Variants in ERBB4 observed in about 807,000 individuals in gnomAD.
ERBB4 encodes the protein erb-b2 receptor tyrosine kinase 4.
A neutral mutation model predicts 158.0 loss-of-function variants in ERBB4; 42 were observed. That is an observed-to-expected ratio of 0.27 (90% CI 0.21 to 0.34). The LOEUF (loss-of-function observed/expected upper bound fraction) is 0.34, where lower values mean the gene tolerates loss of function less well. Ranked by LOEUF, ERBB4 falls within the 10% of genes least tolerant of loss-of-function variation. The pLI, the probability that ERBB4 is intolerant of heterozygous loss-of-function variation, is 1.00. For missense variants in ERBB4, 1,333 were observed against 1,624.1 expected, an observed-to-expected ratio of 0.82 and a Z score of 3.08; for synonymous variants, 583 against 558.7, an observed-to-expected ratio of 1.04 and a Z score of -0.61.
intron 2 of ERBB4, among the ~76,000 whole-genome samples, chr2:211,969,102 C>T (rs897377811): frequency 3.9e-5 from 6 of 151,954 alleles, no homozygotes; most frequent in African/African-American, 1.4e-4. Context: ...AGCTTTATAT[C>T]TAAGTCATAC....
chr2:212,326,070 C>A (rs1325922142), intron 1 of ERBB4, among the ~76,000 whole-genome samples: 2 of 150,424 alleles, frequency 1.3e-5, no homozygotes, highest in Non-Finnish European at 3.0e-5. Context: ...ATTTTATCCA[C>A]CATAGTATAA....
chr2:211,859,892 C>T (rs1187148396), intron 3 of ERBB4, among the ~76,000 whole-genome samples: 1 of 152,136 alleles, frequency 6.6e-6, no homozygotes, highest in African/African-American at 2.4e-5. Flanking sequence ...TTTCCATTAA[C>T]TTCTTTTCCT....
At chr2:211,623,889 C>T in intron 18 of ERBB4, 33 bp downstream of exon 18, 1 of 1,611,688 alleles carries the variant, frequency 6.2e-7, no homozygotes, top group Non-Finnish European at 8.5e-7. Context: ...TAAAACAAAA[C>T]TTAACTAACG....
chr2:212,056,644 A>T (rs1434069346), intron 2 of ERBB4, among the ~76,000 whole-genome samples: 1 of 152,168 alleles, frequency 6.6e-6, no homozygotes, highest in Non-Finnish European at 1.5e-5. Context: ...AAAGAAAAGA[A>T]TTTTCAACCC....
intron 22 of ERBB4, among the ~76,000 whole-genome samples, chr2:211,427,655 T>C (rs2063658116): frequency 6.6e-6 from 1 of 152,176 alleles, no homozygotes; most frequent in Non-Finnish European, 1.5e-5. Flanking sequence ...TAATTTTTCT[T>C]TGTTATGACA....
chr2:211,689,289 C>T (rs1471334857), intron 12 of ERBB4, among the ~76,000 whole-genome samples: 3 of 152,004 alleles, frequency 2.0e-5, no homozygotes, highest in Non-Finnish European at 4.4e-5. Flanking sequence ...TGACCTCCTG[C>T]GCTCAAGTGA....
intron 2 of ERBB4, among the ~76,000 whole-genome samples, chr2:212,105,602 C>A (rs10192870): frequency 6.6e-6 from 1 of 151,950 alleles, no homozygotes; most frequent in African/African-American, 2.4e-5. Context: ...GCATTTGTGT[C>A]GAAAAATGTT....
At chr2:212,121,917 T>A (rs563094079) in intron 2 of ERBB4, among the ~76,000 whole-genome samples, 1 of 152,220 alleles carries the variant, frequency 6.6e-6, no homozygotes, top group South Asian at 2.1e-4. Context: ...AGCACTCCTT[T>A]GATGAAACTT....
At chr2:212,172,595 G>A (rs1575745036) in intron 1 of ERBB4, among the ~76,000 whole-genome samples, 2 of 152,068 alleles carry the variant, frequency 1.3e-5, no homozygotes, top group African/African-American at 4.8e-5. Flanking sequence ...GGAATACTAT[G>A]CAGCCATAAA....
At chr2:211,439,185 G>C (rs1210592039) in intron 20 of ERBB4, among the ~76,000 whole-genome samples, 2 of 152,094 alleles carry the variant, frequency 1.3e-5, no homozygotes, top group Non-Finnish European at 2.9e-5. Context: ...ATGCTGCAAA[G>C]AAAAATAGCT....
chr2:211,759,106 A>G (rs1349777283), intron 4 of ERBB4, among the ~76,000 whole-genome samples: 1 of 152,150 alleles, frequency 6.6e-6, no homozygotes, highest in Admixed American at 6.5e-5. Context: ...GCTTCTGCCA[A>G]AAACTTTGGA....
In ERBB4 at chr2:211,708,612, TTCTCTCTC is replaced by T. The variant is rs60948715; in HGVS notation, c.1125-3229_1125-3222del. Among the ~76,000 whole-genome samples the T allele has an allele frequency of 7.7e-3, 897 of 116,656 alleles. 11 individuals are homozygous for T. Among genetic ancestry groups the T allele is most frequent in the African/African-American group, 0.024 (864 of 35,756 alleles). 76.5% of individuals were successfully genotyped at this position (116,656 alleles called of 152,430 possible). On this transcript the variant is annotated intron_variant, in intron 9 of 27. Coordinates refer to ENST00000342788, the MANE Select transcript of ERBB4 (RefSeq NM_005235.3). ...TTTTCATTTCTCTCTGTTTCCATCC[TTCTCTCTC>T]TCTCTCTCTCTCTCTCTCTCTCTCA...
chr2:212,281,583 T>A (rs2085761214), intron 1 of ERBB4, among the ~76,000 whole-genome samples: 1 of 151,810 alleles, frequency 6.6e-6, no homozygotes, highest in Admixed American at 6.6e-5. Context: ...CACTCTGGTT[T>A]CTTTCAGTTC....
chr2:212,276,090 T>C (rs775354781), intron 1 of ERBB4, among the ~76,000 whole-genome samples: 16 of 151,788 alleles, frequency 1.1e-4, no homozygotes, highest in Admixed American at 2.0e-4. Context: ...CCAGGGTCCA[T>C]ATAGTTAATG....
At chr2:212,241,699 C>G (rs2084112625) in intron 1 of ERBB4, among the ~76,000 whole-genome samples, 1 of 152,092 alleles carries the variant, frequency 6.6e-6, no homozygotes, top group Non-Finnish European at 1.5e-5. Flanking sequence ...ATTTGACATA[C>G]TGTCTAAAAT....
intron 2 of ERBB4, among the ~76,000 whole-genome samples, chr2:212,007,578 A>C (rs1182453124): frequency 6.6e-6 from 1 of 151,904 alleles, no homozygotes; most frequent in Non-Finnish European, 1.5e-5. Flanking sequence ...AATCCTTTGC[A>C]TTTAAAAACA....
At chr2:212,530,867 G>C (rs1183552335) in intron 1 of ERBB4, among the ~76,000 whole-genome samples, 1 of 152,150 alleles carries the variant, frequency 6.6e-6, no homozygotes, top group Non-Finnish European at 1.5e-5. Flanking sequence ...AAATAAAAGA[G>C]TGTTTATTGT....
intron 1 of ERBB4, among the ~76,000 whole-genome samples, chr2:212,169,416 T>C (rs1377194623): frequency 6.6e-6 from 1 of 152,048 alleles, no homozygotes; most frequent in African/African-American, 2.4e-5. Context: ...GGGGGAAGGA[T>C]TCTCTATTTA....
At chr2:211,427,628 T>C (rs2125420248) in intron 22 of ERBB4, among the ~76,000 whole-genome samples, 1 of 152,330 alleles carries the variant, frequency 6.6e-6, no homozygotes, top group South Asian at 2.1e-4. Flanking sequence ...TTCATTGCTC[T>C]AACTTACTGC....
Sources: allele counts gnomAD v4.1 joint callset (sites outside exome capture counted in the v4.1 genomes callset), GRCh38; gene constraint gnomAD v4.1.1; transcripts MANE v1.5; gene names NCBI Gene and HGNC (gene_info 2026-07-23, HGNC 2026-07-21).